Variants in GJB7 observed in about 807,000 individuals in gnomAD.
GJB7 encodes the protein gap junction beta-7 protein.
For synonymous variants in GJB7, 87 were observed against 95.2 expected (o/e 0.91, Z 0.50); for missense variants, 253 against 256.8 (o/e 0.99, Z 0.10).
At chr6:87,295,617 T>A (rs2127900664) in intron 2 of GJB7, among the ~76,000 whole-genome samples, 1 of 151,930 alleles carries the variant, frequency 6.6e-6, no homozygotes, top group East Asian at 1.9e-4. Flanking sequence ...CTGAAGTGAG[T>A]TTTCAACCTT....
At chr6:87,327,465 C>A (rs1215492629) in intron 1 of GJB7, among the ~76,000 whole-genome samples, 2 of 152,030 alleles carry the variant, frequency 1.3e-5, no homozygotes, top group African/African-American at 4.8e-5. Context: ...CACAAAATCT[C>A]TCAGCATTTG....
intron 2 of GJB7, chr6:87,298,721 C>G (rs1395018815): frequency 5.4e-6 from 1 of 185,476 alleles, no homozygotes; most frequent in Non-Finnish European, 1.2e-5. Context: ...CCCTCACTCG[C>G]CACTGACGAC....
At chr6:87,300,828 T>G in intron 2 of GJB7, among the ~76,000 whole-genome samples, 1 of 152,234 alleles carries the variant, frequency 6.6e-6, no homozygotes, top group Non-Finnish European at 1.5e-5. Context: ...CTGTAGAGAA[T>G]AAGAATTGTG....
chr6:87,328,519 T>G (rs1023941909), intron 1 of GJB7, among the ~76,000 whole-genome samples: 1 of 151,624 alleles, frequency 6.6e-6, no homozygotes, highest in Admixed American at 6.6e-5. Flanking sequence ...CCGTGTGAGG[T>G]ATCAGTCTGC....
chr6:87,307,761 C>A (rs879675371), intron 2 of GJB7, among the ~76,000 whole-genome samples: 2 of 152,174 alleles, frequency 1.3e-5, no homozygotes, highest in Non-Finnish European at 2.9e-5. Flanking sequence ...AATAGGAACA[C>A]TTTTACACTG....
chr6:87,328,339 A>G (rs1776888907), intron 1 of GJB7, among the ~76,000 whole-genome samples: 1 of 151,962 alleles, frequency 6.6e-6, no homozygotes, highest in Non-Finnish European at 1.5e-5. Context: ...TGCTTTTTAG[A>G]GTTTCCAGTT....
intron 2 of GJB7, among the ~76,000 whole-genome samples, chr6:87,305,828 G>C (rs1292200053): frequency 1.3e-5 from 2 of 152,114 alleles, no homozygotes; most frequent in Admixed American, 1.3e-4. Context: ...CCAAAACAGA[G>C]ATATAGACCA....
chr6:87,308,145 A>T (rs1776460296), intron 2 of GJB7, among the ~76,000 whole-genome samples: 1 of 151,106 alleles, frequency 6.6e-6, no homozygotes, highest in Non-Finnish European at 1.5e-5. Context: ...CAAACACCGC[A>T]TGTTCTCACT....
chr6:87,317,382 C>A (rs997827941), intron 2 of GJB7, among the ~76,000 whole-genome samples: 4 of 151,482 alleles, frequency 2.6e-5, no homozygotes, highest in South Asian at 4.2e-4. Context: ...AAACAAACAA[C>A]AAGAAATTAT....
chr6:87,301,727 C>A (rs1267778170), intron 2 of GJB7, among the ~76,000 whole-genome samples: 2 of 152,226 alleles, frequency 1.3e-5, no homozygotes, highest in Non-Finnish European at 2.9e-5. Flanking sequence ...GGACAGACTG[C>A]TTCCTCAAGT....
intron 2 of GJB7, among the ~76,000 whole-genome samples, chr6:87,316,463 G>A (rs1776586312): frequency 6.6e-6 from 1 of 152,170 alleles, no homozygotes; most frequent in Non-Finnish European, 1.5e-5. Context: ...GATTATCCTT[G>A]TGAAGGATAA....
chr6:87,327,987 C>G (rs367896737), intron 1 of GJB7, among the ~76,000 whole-genome samples: 2 of 151,444 alleles, frequency 1.3e-5, no homozygotes, highest in African/African-American at 2.4e-5. Flanking sequence ...CTTCCCTTCT[C>G]GCTTCATTTC....
intron 2 of GJB7, among the ~76,000 whole-genome samples, chr6:87,318,313 A>T (rs1423044796): frequency 6.6e-6 from 1 of 152,178 alleles, no homozygotes; most frequent in African/African-American, 2.4e-5. Flanking sequence ...GATCCCAGGG[A>T]ATTTACAATG....
chr6:87,327,206 C>A (rs1419213355), intron 1 of GJB7, among the ~76,000 whole-genome samples: 1 of 148,244 alleles, frequency 6.7e-6, no homozygotes, highest in African/African-American at 2.5e-5. Context: ...ACTGATGGGT[C>A]TTGACTCTTT....
chr6:87,288,084 G>T (rs964769230), intron 2 of GJB7, among the ~76,000 whole-genome samples: 2 of 152,010 alleles, frequency 1.3e-5, no homozygotes, highest in Admixed American at 1.3e-4. Flanking sequence ...TGTATTTCTA[G>T]TAGAGACGGA....
chr6:87,288,739 C>G (rs1315911081), intron 2 of GJB7, among the ~76,000 whole-genome samples: 1 of 152,152 alleles, frequency 6.6e-6, no homozygotes, highest in Non-Finnish European at 1.5e-5. Flanking sequence ...CTCTTTGCCT[C>G]AAACCCCACA....
intron 1 of GJB7, among the ~76,000 whole-genome samples, chr6:87,325,206 C>T (rs1480600298): frequency 6.6e-6 from 1 of 151,982 alleles, no homozygotes; most frequent in Non-Finnish European, 1.5e-5. Flanking sequence ...GTCATGTCAT[C>T]TGCAAACACG....
intron 2 of GJB7, among the ~76,000 whole-genome samples, chr6:87,288,523 A>C (rs1776107669): frequency 6.6e-6 from 1 of 152,186 alleles, no homozygotes; most frequent in Non-Finnish European, 1.5e-5. Context: ...CTCATCTCTG[A>C]CTTTCAGCTG....
At chr6:87,316,531 C>A (rs1203163) in intron 2 of GJB7, among the ~76,000 whole-genome samples, 75,783 of 151,918 alleles carry the variant, frequency 0.5, 20,155 homozygotes, top group Non-Finnish European at 0.6. Context: ...AAGTGTGAAG[C>A]CAAACAGTGA....
Sources: allele counts gnomAD v4.1 joint callset (sites outside exome capture counted in the v4.1 genomes callset), GRCh38; gene constraint gnomAD v4.1.1; transcripts MANE v1.5; gene names NCBI Gene and HGNC (gene_info 2026-07-23, HGNC 2026-07-21).